The following CNST variants were observed in gnomAD, a reference collection of about 807,000 sequenced individuals.
CNST encodes consortin, connexin sorting protein.
Under a neutral mutation model 72.4 loss-of-function variants are expected in CNST, and 39 were observed. That is an observed-to-expected ratio of 0.54 (90% CI 0.42 to 0.70). CNST has a LOEUF of 0.70. Among genes scored for constraint, CNST ranks in the 30% least tolerant of loss-of-function variants. The pLI is 0.00. For missense variants in CNST, 871 were observed against 868.5 expected (o/e 1.00, Z -0.04); for synonymous variants, 332 against 320.1 (o/e 1.04, Z -0.40).
At chr1:246,634,664 CTTTGT>C (rs911496991) in intron 6 of CNST, 77 bp downstream of exon 6, 27 of 775,298 alleles carry the variant, frequency 3.5e-5, no homozygotes, top group Non-Finnish European at 5.8e-5. Context: ...GTATCCATTT[CTTTGT>C]TTTATGTTTT....
rs56730668 is a variant in CNST at position 246,585,666 on chromosome 1, T to TACAC, written c.-51-5803_-51-5800dup. Reference sequence around the variant, plus strand: ...CAAAAAAAAAAAAAAAAAAAAAATATACACACACACACACACACACACACA... The same window carrying TACAC: ...CAAAAAAAAAAAAAAAAAAAAAATATACACACACACACACACACACACACACACA... On this transcript the variant is annotated intron_variant, in intron 1 of 10. Transcript: ENST00000366513. Among the ~76,000 whole-genome samples the TACAC allele has an allele frequency of 1.5e-3, 154 of 101,594 alleles. 1 individual carries two copies. The highest frequency in any genetic ancestry group is 3.5e-3 in the East Asian group (12 of 3,434). The allele number at this position is 101,594 out of a possible 152,430, so 66.6% of individuals were successfully genotyped here. A position where few individuals can be genotyped will look rare whatever the true frequency, so the allele number is the denominator to read the frequency against.
At chr1:246,614,374 T>C (rs943948946) in intron 2 of CNST, among the ~76,000 whole-genome samples, 2 of 152,336 alleles carry the variant, frequency 1.3e-5, no homozygotes, top group South Asian at 2.1e-4. Context: ...TTTCAGGTTT[T>C]GGAGCATGTC....
intron 3 of CNST, among the ~76,000 whole-genome samples, chr1:246,621,873 T>A (rs1470444877): frequency 6.6e-6 from 1 of 152,166 alleles, no homozygotes; most frequent in Non-Finnish European, 1.5e-5. Context: ...TGCACACCTG[T>A]AGTCCCAGCT....
intron 2 of CNST, among the ~76,000 whole-genome samples, chr1:246,605,183 G>A (rs1178659749): frequency 6.6e-6 from 1 of 152,154 alleles, no homozygotes; most frequent in Non-Finnish European, 1.5e-5. Context: ...TTTGATATTA[G>A]CAAAGTCAGT....
At chr1:246,634,922 A>C (rs191957201) in intron 6 of CNST, among the ~76,000 whole-genome samples, 1,317 of 119,846 alleles carry the variant, frequency 0.011, 28 homozygotes, top group African/African-American at 0.037. Context: ...GCTACGTGGT[A>C]CCTGGATGGC....
intron 2 of CNST, among the ~76,000 whole-genome samples, chr1:246,619,063 C>T (rs749065633): frequency 4.6e-5 from 7 of 151,512 alleles, no homozygotes; most frequent in Non-Finnish European, 1.0e-4. Flanking sequence ...GGAATAATGT[C>T]ATCAACAGAA....
In CNST at chr1:246,614,891, A is replaced by G. The variant is rs561366216; in HGVS notation, c.380-6538A>G. On this transcript the variant is annotated intron_variant, in intron 2 of 10. Coordinates refer to ENST00000366513, the MANE Select transcript of CNST (RefSeq NM_152609.3). ...CATGCAAAGAAATGGTAATATCCTT[A>G]GTGATATTCACAGAGCATTGTGAAT... is the stretch of plus-strand genomic sequence containing the variant. 6.6e-5 allele frequency among the ~76,000 whole-genome samples: 10 copies of G among 152,300 alleles called. No homozygotes were observed. In the South Asian group the frequency reaches 2.1e-3, roughly 32 times the overall value.
chr1:246,659,045 AACAT>A (rs1666921784), intron 9 of CNST, among the ~76,000 whole-genome samples: 2 of 152,228 alleles, frequency 1.3e-5, no homozygotes, highest in African/African-American at 4.8e-5. Flanking sequence ...GCTAGAAGGC[AACAT>A]ATAAAGGGGT....
intron 9 of CNST, among the ~76,000 whole-genome samples, chr1:246,658,876 C>T (rs1013254923): frequency 3.9e-5 from 6 of 152,200 alleles, no homozygotes; most frequent in African/African-American, 7.2e-5. Context: ...CAGGGGCCTT[C>T]GGCAAGGCCT....
intron 6 of CNST, among the ~76,000 whole-genome samples, chr1:246,636,122 C>A (rs1295675896): frequency 1.3e-5 from 2 of 152,188 alleles, no homozygotes; most frequent in South Asian, 4.2e-4. Context: ...CAGTTCCAGG[C>A]CTTTTTTGAC....
At position 246,596,361 on chromosome 1, in the gene CNST, T is replaced by C. The variant is rs374703222; in HGVS notation, c.379+4420T>C. On this transcript the variant is annotated intron_variant, in intron 2 of 10. Coordinates refer to ENST00000366513, the MANE Select transcript of CNST (RefSeq NM_152609.3). Reference sequence around the variant, plus strand: ...GCAGTGAGCTGCATGGTTGCACCACTGCACCCCAACTTGGAGACAGAGTGA... The same window carrying C: ...GCAGTGAGCTGCATGGTTGCACCACCGCACCCCAACTTGGAGACAGAGTGA... Among the ~76,000 whole-genome samples, 5 of 150,064 alleles carry C rather than the reference T, an allele frequency of 3.3e-5. No individual in the cohort carries two copies. In the East Asian group the frequency reaches 9.8e-4, roughly 29 times the overall value.
intron 2 of CNST, among the ~76,000 whole-genome samples, chr1:246,593,696 T>C (rs1661695129): frequency 1.3e-5 from 2 of 152,174 alleles, no homozygotes; most frequent in South Asian, 4.1e-4. Flanking sequence ...ACTATGTATA[T>C]ATAAATCAGT....
chr1:246,622,794 C>A lies in CNST; in HGVS notation c.585+1160C>A, dbSNP rs78441987. Among the ~76,000 whole-genome samples, 1,487 of 151,912 alleles carry A rather than the reference C, an allele frequency of 9.8e-3. 23 individuals carry two copies. The highest frequency in any genetic ancestry group is 0.034 in the African/African-American group (1,405 of 41,394). ...TTCAGAAGAAATTAAGATATTTGAG[C>A]TGCATCTTATTTTTTATTGTATTGT... On this transcript the variant is annotated intron_variant, in intron 3 of 10. Coordinates refer to ENST00000366513, the MANE Select transcript of CNST (RefSeq NM_152609.3).
chr1:246,599,267 T>C (rs942811509), intron 2 of CNST, among the ~76,000 whole-genome samples: 1 of 152,174 alleles, frequency 6.6e-6, no homozygotes, highest in South Asian at 2.1e-4. Context: ...CTAGTGGCTT[T>C]AAACACACGA....
At chr1:246,664,645 C>G (rs1382274124) in intron 10 of CNST, among the ~76,000 whole-genome samples, 1 of 151,698 alleles carries the variant, frequency 6.6e-6, no homozygotes, top group Non-Finnish European at 1.5e-5. Flanking sequence ...CCAGGATGGT[C>G]TCGATCTCCT....
chr1:246,665,639 A>G (rs1667357492), intron 10 of CNST, 61 bp from the exon 11 acceptor site: 2 of 1,347,192 alleles, frequency 1.5e-6, no homozygotes, highest in Non-Finnish European at 2.1e-6. Flanking sequence ...GTGAAAAGAC[A>G]GCAGATGCTA....
At chr1:246,616,845 G>A (rs753010860) in intron 2 of CNST, among the ~76,000 whole-genome samples, 1 of 151,384 alleles carries the variant, frequency 6.6e-6, no homozygotes, top group African/African-American at 2.4e-5. Context: ...AAGCCACTGC[G>A]CCCGGCCAAT....
chr1:246,575,224 C>T (rs1211736052), intron 1 of CNST, among the ~76,000 whole-genome samples: 1 of 152,088 alleles, frequency 6.6e-6, no homozygotes, highest in East Asian at 1.9e-4. Flanking sequence ...GAACTCCTGA[C>T]CTCCTGACCT....
At chr1:246,602,948 A>C (rs2103041401) in intron 2 of CNST, among the ~76,000 whole-genome samples, 1 of 151,984 alleles carries the variant, frequency 6.6e-6, no homozygotes, top group South Asian at 2.1e-4. Flanking sequence ...GTATCTATGC[A>C]GAGAGAAGGT....
Sources: gnomAD v4.1 joint callset for allele counts (sites outside exome capture counted in the v4.1 genomes callset) on GRCh38, gnomAD v4.1.1 for gene constraint, MANE v1.5 for transcripts, NCBI Gene and HGNC (gene_info 2026-07-23, HGNC 2026-07-21) for gene names.